AMMECR1: variants seen among roughly 807,000 people sequenced by gnomAD.
The protein encoded by AMMECR1 is AMMECR nuclear protein 1.
AMMECR1 carries 3 observed loss-of-function variants against 22.5 expected under a neutral mutation model. The ratio of observed to expected loss-of-function variants is 0.13; its 90% confidence interval spans 0.06 to 0.35. The LOEUF is 0.35. AMMECR1 is among the 10% of genes least tolerant of loss of function. The pLI is 1.00. For missense variants in AMMECR1, 235 were observed against 278.7 expected, an observed-to-expected ratio of 0.84 and a Z score of 1.12; for synonymous variants, 130 against 116.7, an observed-to-expected ratio of 1.11 and a Z score of -0.74.
At chrX:110,281,647 A>G (rs1251434606) in intron 1 of AMMECR1, among the ~76,000 whole-genome samples, 1 of 112,091 alleles carries the variant, frequency 8.9e-6, no homozygotes, top group East Asian at 2.8e-4. Flanking sequence ...CTTAGTTCAA[A>G]TAATGGAAAA....
intron 2 of AMMECR1, among the ~76,000 whole-genome samples, chrX:110,409,569 T>A (rs1332170505): frequency 9.0e-6 from 1 of 111,109 alleles, no homozygotes; most frequent in East Asian, 2.8e-4. Context: ...ATGCCCTCCA[T>A]GCCCCCATTA....
At chrX:110,352,042 C>T (rs2068213191) in intron 2 of AMMECR1, among the ~76,000 whole-genome samples, 3 of 111,833 alleles carry the variant, frequency 2.7e-5, no homozygotes, top group African/African-American at 9.8e-5. Context: ...TTCATACCCT[C>T]TAGGGTGGCT....
intron 1 of AMMECR1, among the ~76,000 whole-genome samples, chrX:110,264,951 A>G (rs2067760167): frequency 8.9e-6 from 1 of 111,815 alleles, no homozygotes; most frequent in South Asian, 3.7e-4. Flanking sequence ...AACCTGGGCA[A>G]TCTTAACTAT....
At chrX:110,286,445 G>T (rs776803377) in intron 1 of AMMECR1, among the ~76,000 whole-genome samples, 1 of 109,917 alleles carries the variant, frequency 9.1e-6, no homozygotes, top group East Asian at 2.9e-4. Flanking sequence ...CCAGGCAGCC[G>T]GATCACTTGA....
intron 2 of AMMECR1, among the ~76,000 whole-genome samples, chrX:110,339,410 A>G (rs1264800887): frequency 1.0e-4 from 11 of 108,265 alleles, no homozygotes; most frequent in Non-Finnish European, 1.9e-4. Flanking sequence ...GTAAAAAAAA[A>G]AAAAAAAAAA....
intron 2 of AMMECR1, among the ~76,000 whole-genome samples, chrX:110,257,535 C>T (rs190595907): frequency 8.1e-5 from 9 of 111,765 alleles, no homozygotes; most frequent in Non-Finnish European, 1.1e-4. Context: ...AAATACCCAA[C>T]ACCTTGTATA....
chrX:110,247,041 C>T (rs1188575062), intron 2 of AMMECR1, among the ~76,000 whole-genome samples: 1 of 112,052 alleles, frequency 8.9e-6, no homozygotes, highest in African/African-American at 3.2e-5. Context: ...ATACACTGTG[C>T]ACCATCACTG....
intron 2 of AMMECR1, among the ~76,000 whole-genome samples, chrX:110,348,562 T>G (rs1488932889): frequency 8.9e-6 from 1 of 112,322 alleles, no homozygotes; most frequent in African/African-American, 3.2e-5. Context: ...GAGCAATTAT[T>G]AAAGATTTTT....
chrX:110,307,008 C>T (rs1407230419), intron 1 of AMMECR1: 1 of 110,273 alleles, frequency 9.1e-6, no homozygotes, highest in Non-Finnish European at 1.9e-5. Flanking sequence ...TAGGCAGAGG[C>T]GGGCAGATCA....
At chrX:110,425,205 G>A (rs1320513202) in intron 2 of AMMECR1, among the ~76,000 whole-genome samples, 1 of 112,734 alleles carries the variant, frequency 8.9e-6, no homozygotes, top group African/African-American at 3.2e-5. Context: ...ATAGCAATTA[G>A]TAGGTAGAAA....
chrX:110,394,560 A>G (rs2068516680), intron 2 of AMMECR1, among the ~76,000 whole-genome samples: 2 of 112,943 alleles, frequency 1.8e-5, no homozygotes, highest in African/African-American at 6.4e-5. Flanking sequence ...ATTAGCCTAC[A>G]GTAAAATTAG....
chrX:110,395,347 T>A (rs1300086790), intron 2 of AMMECR1, among the ~76,000 whole-genome samples: 1 of 112,064 alleles, frequency 8.9e-6, no homozygotes, highest in African/African-American at 3.2e-5. Context: ...TCTTTTTCCC[T>A]CTTCACCAGG....
At chrX:110,420,521 C>T (rs1453590262) in intron 2 of AMMECR1, among the ~76,000 whole-genome samples, 2 of 112,001 alleles carry the variant, frequency 1.8e-5, no homozygotes, top group East Asian at 5.6e-4. Flanking sequence ...CAGTGTTCCA[C>T]AGAGCAAGGG....
chrX:110,225,287 A>T (rs2148176887), intron 2 of AMMECR1, among the ~76,000 whole-genome samples: 1 of 112,304 alleles, frequency 8.9e-6, no homozygotes, highest in Non-Finnish European at 1.9e-5. Flanking sequence ...TGATTAGATT[A>T]TTTTTGTTTT....
intron 1 of AMMECR1, among the ~76,000 whole-genome samples, chrX:110,287,616 C>T (rs901233475): frequency 8.0e-5 from 9 of 112,027 alleles, no homozygotes; most frequent in Admixed American, 6.6e-4. Flanking sequence ...TTCCAAGTTA[C>T]TAGTCTACAT....
chrX:110,277,519 T>C (rs780098125), intron 1 of AMMECR1, among the ~76,000 whole-genome samples: 2 of 111,443 alleles, frequency 1.8e-5, no homozygotes, highest in East Asian at 5.6e-4. Context: ...TATACATATG[T>C]AACAAACCTG....
chrX:110,393,083 G>A (rs2068505673), intron 2 of AMMECR1, among the ~76,000 whole-genome samples: 1 of 111,296 alleles, frequency 9.0e-6, no homozygotes, highest in South Asian at 4.0e-4. Context: ...GTCCCTCTTG[G>A]GCCTGCTTCC....
intron 2 of AMMECR1, among the ~76,000 whole-genome samples, chrX:110,423,229 G>A (rs2068730352): frequency 9.0e-6 from 1 of 110,788 alleles, no homozygotes; most frequent in Admixed American, 9.5e-5. Context: ...TCGGGAGTCT[G>A]AGACAGGAGA....
At chrX:110,221,531 A>G (rs1373892946) in intron 2 of AMMECR1, among the ~76,000 whole-genome samples, 2 of 112,043 alleles carry the variant, frequency 1.8e-5, no homozygotes. Context: ...GAGGGCTGTT[A>G]CTCAAAAGAA....
Sources: allele counts gnomAD v4.1 joint callset (sites outside exome capture counted in the v4.1 genomes callset), GRCh38; gene constraint gnomAD v4.1.1; transcripts MANE v1.5; gene names NCBI Gene and HGNC (gene_info 2026-07-23, HGNC 2026-07-21).